CFAP300: variants seen among roughly 807,000 people sequenced by gnomAD.
CFAP300 encodes the protein cilia and flagella associated protein 300.
A neutral mutation model predicts 33.0 loss-of-function variants in CFAP300; 32 were observed. That is an observed-to-expected ratio of 0.97 (90% CI 0.73 to 1.30). CFAP300 has a LOEUF of 1.30. Among genes scored for constraint, CFAP300 ranks in the 50% most tolerant of loss-of-function variants. CFAP300 has a pLI of 0.00. For missense variants in CFAP300, 356 were observed against 318.1 expected (o/e 1.12, Z -0.90); for synonymous variants, 102 against 106.8 (o/e 0.95, Z 0.28).
intron 3 of CFAP300, among the ~76,000 whole-genome samples, chr11:102,064,791 A>G (rs1942198445): frequency 6.6e-6 from 1 of 152,160 alleles, no homozygotes; most frequent in Admixed American, 6.5e-5. Flanking sequence ...CTACATAGAG[A>G]CTGATTCAGT....
intron 4 of CFAP300, among the ~76,000 whole-genome samples, chr11:102,069,391 C>T (rs867555364): frequency 6.6e-6 from 1 of 152,130 alleles, no homozygotes; most frequent in South Asian, 2.1e-4. Context: ...GAAGTGTGAC[C>T]TCTAAGAGCT....
chr11:102,047,907 G>A lies in CFAP300; in HGVS notation c.192+11G>A. The A allele has an allele frequency of 3.1e-6, 5 of 1,613,646 alleles. No homozygotes were observed. The highest frequency in any genetic ancestry group is 4.2e-6 in the Non-Finnish European group (5 of 1,179,720). ...GATGATTTCGTTATGGTTAGTATGG[G>A]GGTCGGAGAGTTCCCTGGGTCTCTG... On this transcript the variant is annotated intron_variant, in intron 2 of 6. Coordinates refer to ENST00000434758, the MANE Select transcript of CFAP300 (RefSeq NM_032930.3).
intron 4 of CFAP300, among the ~76,000 whole-genome samples, chr11:102,069,400 C>T (rs1466495598): frequency 6.6e-6 from 1 of 152,116 alleles, no homozygotes; most frequent in Non-Finnish European, 1.5e-5. Context: ...CCTCTAAGAG[C>T]TACGTAGCTG....
chr11:102,080,555 T>C (rs1039549753), intron 5 of CFAP300, among the ~76,000 whole-genome samples: 1 of 151,928 alleles, frequency 6.6e-6, no homozygotes, highest in Non-Finnish European at 1.5e-5. Context: ...GTACCTGGGA[T>C]TACAGGCTAT....
intron 2 of CFAP300, among the ~76,000 whole-genome samples, chr11:102,056,592 G>GT (rs940149022): frequency 6.6e-6 from 1 of 151,720 alleles, no homozygotes; most frequent in Non-Finnish European, 1.5e-5. Flanking sequence ...TATTTGTGGG[G>GT]TTTTTTGTTT....
At chr11:102,049,921 C>A (rs1187890240) in intron 2 of CFAP300, among the ~76,000 whole-genome samples, 3 of 151,298 alleles carry the variant, frequency 2.0e-5, no homozygotes, top group African/African-American at 4.9e-5. Context: ...GAGGCTGAGG[C>A]AGGAGGATCA....
chr11:102,062,226 G>T (rs1301260298), intron 3 of CFAP300, among the ~76,000 whole-genome samples: 1 of 152,180 alleles, frequency 6.6e-6, no homozygotes, highest in African/African-American at 2.4e-5. Context: ...GGACTTTCTA[G>T]CCTCTAAAAC....
chr11:102,062,761 A>G (rs1942167123), intron 3 of CFAP300, among the ~76,000 whole-genome samples: 1 of 152,202 alleles, frequency 6.6e-6, no homozygotes, highest in African/African-American at 2.4e-5. Flanking sequence ...TGAAGAGAAC[A>G]CTGTTCAGAA....
At chr11:102,081,082 C>G (rs1411278018) in intron 5 of CFAP300, 133 bp from the exon 6 acceptor site, 1 of 592,842 alleles carries the variant, frequency 1.7e-6, no homozygotes, top group Non-Finnish European at 2.7e-6. Flanking sequence ...TTTTTTCAAA[C>G]CACTTAGTTG....
chr11:102,069,547 A>G (rs1288763259), intron 4 of CFAP300, among the ~76,000 whole-genome samples: 3 of 152,204 alleles, frequency 2.0e-5, no homozygotes, highest in Admixed American at 6.5e-5. Flanking sequence ...TCATGCTTGT[A>G]ATCTCAGCAC....
chr11:102,059,373 G>A (rs997680452), intron 3 of CFAP300, among the ~76,000 whole-genome samples: 2 of 151,756 alleles, frequency 1.3e-5, no homozygotes, highest in Non-Finnish European at 2.9e-5. Context: ...CAAGGGCCAG[G>A]CATGGTGGCT....
chr11:102,069,038 A>T (rs778639183), intron 4 of CFAP300, among the ~76,000 whole-genome samples: 2 of 151,962 alleles, frequency 1.3e-5, no homozygotes, highest in African/African-American at 4.8e-5. Context: ...ATCAGTGGAC[A>T]TTTTTTTTAA....
rs1266010327 is a variant in CFAP300 at position 102,054,088 on chromosome 11, G to A, written c.193-4792G>A. ...AACTTGAAATCCACCATGGAAACAG[G>A]CAAACGCCACAATCAGGGCTTTTTA... On this transcript the variant is annotated intron_variant, in intron 2 of 6. Transcript: ENST00000434758. Among the ~76,000 whole-genome samples the A allele has an allele frequency of 5.3e-5, 8 of 152,174 alleles. No individual in the cohort carries two copies. In the East Asian group the frequency reaches 1.5e-3, roughly 29 times the overall value.
chr11:102,048,395 A>AT (rs1941919097), intron 2 of CFAP300, among the ~76,000 whole-genome samples: 1 of 125,250 alleles, frequency 8.0e-6, no homozygotes, highest in Non-Finnish European at 1.7e-5. Flanking sequence ...ATTAAAAAAA[A>AT]TTTTTTTAGA....
rs917508727 is a variant in CFAP300 at position 102,047,463 on chromosome 11, A to G, written c.-8A>G. On this transcript the variant is annotated 5_prime_UTR_variant, in exon 1 of 7. Transcript: ENST00000434758. ...AACGGCCCAGGCATCCACCCAGCCG[A>G]GAGCACGATGGCTACTGGGGAGCTC... 14 of 1,535,252 alleles carry G rather than the reference A, an allele frequency of 9.1e-6. No homozygotes were observed. The African/African-American group carries it at 1.8e-4, about 20-fold the overall frequency.
At chr11:102,074,066 A>G (rs1433391331) in intron 4 of CFAP300, among the ~76,000 whole-genome samples, 2 of 152,164 alleles carry the variant, frequency 1.3e-5, no homozygotes, top group Admixed American at 6.5e-5. Context: ...ACAAGACACC[A>G]TGCAGAGTCC....
chr11:102,081,682 G>A (rs1413780965), intron 6 of CFAP300, among the ~76,000 whole-genome samples: 1 of 152,032 alleles, frequency 6.6e-6, no homozygotes, highest in Non-Finnish European at 1.5e-5. Context: ...CACGAGCTCA[G>A]GAGATCGAGA....
chr11:102,066,511 A>G lies in CFAP300; in HGVS notation c.295A>G (p.Ile99Val). Residue 99 changes from isoleucine to valine, a missense_variant, in exon 4 of 7, where the codon ATA (isoleucine) becomes GTA (valine). Ile to Val is a conservative substitution (Grantham distance 29, BLOSUM62 3). Transcript: ENST00000434758. ...AACTGAAGTGAAAAAAATTGAAGCT[A>G]TAAATGTTCCTTGCACACAGCTTTC... ...LGTEVKKIEAINVPCTQLSMS... is the reference protein window; with the variant it reads ...LGTEVKKIEAVNVPCTQLSMS... 6.2e-7 allele frequency: 1 copy of G among 1,603,796 alleles called. No homozygotes were observed. The highest frequency in any genetic ancestry group is 8.5e-7 in the Non-Finnish European group (1 of 1,176,898).
chr11:102,062,950 A>G (rs769938336), intron 3 of CFAP300, among the ~76,000 whole-genome samples: 61 of 152,240 alleles, frequency 4.0e-4, no homozygotes, highest in Admixed American at 1.4e-3. Context: ...AGACTGGACC[A>G]TAGAGCTATT....
Sources: allele counts gnomAD v4.1 joint callset (sites outside exome capture counted in the v4.1 genomes callset), GRCh38; gene constraint gnomAD v4.1.1; transcripts MANE v1.5; gene names NCBI Gene and HGNC (gene_info 2026-07-23, HGNC 2026-07-21).